Variants in BAZ1A observed in about 807,000 individuals in gnomAD.
BAZ1A encodes bromodomain adjacent to zinc finger domain 1A, also known as bromodomain adjacent to zinc finger domain protein 1A.
BAZ1A carries 50 observed loss-of-function variants against 185.2 expected under a neutral mutation model. The observed-to-expected ratio is 0.27, with a 90% CI of 0.22 to 0.34. The LOEUF (loss-of-function observed/expected upper bound fraction) is 0.34, where lower values mean the gene tolerates loss of function less well. BAZ1A is among the 10% of genes least tolerant of loss of function. BAZ1A has a pLI of 1.00. For missense variants in BAZ1A, 1,356 were observed against 1,839.9 expected (o/e 0.74, Z 4.81); for synonymous variants, 571 against 615.6 (o/e 0.93, Z 1.07).
intron 3 of BAZ1A, among the ~76,000 whole-genome samples, chr14:34,853,049 CAA>C (rs35471724): frequency 7.4e-5 from 11 of 148,810 alleles, no homozygotes; most frequent in Admixed American, 2.7e-4. Flanking sequence ...TGAACAATTA[CAA>C]AAAAAAAAAT....
intron 11 of BAZ1A, among the ~76,000 whole-genome samples, chr14:34,793,702 T>C (rs1183625521): frequency 1.3e-5 from 2 of 152,208 alleles, no homozygotes; most frequent in African/African-American, 2.4e-5. Flanking sequence ...CCCAGCACTT[T>C]GGGAGGCCGA....
chr14:34,810,178 T>C (rs1012683618), intron 5 of BAZ1A, among the ~76,000 whole-genome samples: 6 of 152,150 alleles, frequency 3.9e-5, no homozygotes, highest in Admixed American at 1.3e-4. Flanking sequence ...TTACACTAAA[T>C]GAAATACAAG....
intron 4 of BAZ1A, among the ~76,000 whole-genome samples, chr14:34,825,770 T>G (rs962265038): frequency 1.3e-5 from 2 of 152,086 alleles, no homozygotes; most frequent in African/African-American, 4.8e-5. Context: ...AAACCCTGTC[T>G]CTACCAAAGA....
In BAZ1A at chr14:34,776,086, G is replaced by T; in HGVS notation, c.2666C>A (p.Pro889Gln). 6.2e-7 allele frequency: 1 copy of T among 1,614,164 alleles called. No homozygotes were observed. The change falls in exon 18 of 27, where the codon CCA (proline) becomes CAA (glutamine). Residue 889 changes from proline to glutamine, a missense_variant. By Grantham distance (76) the Pro-to-Gln change is moderately conservative. This residue lies in a region of BAZ1A where 434 missense variants were observed against 561.7 expected (regional missense o/e 0.77). Transcript: ENST00000360310. ...AGAACTGTAAAAGCACCACCGATTT[G>T]GCTTATGCACTGGTTTTGGCAGCTG... The part of the protein sequence containing the change: ...SVQLPKPVHK[P>Q]NRWCFYSSCE...
At chr14:34,801,504 C>A (rs2138656602) in intron 7 of BAZ1A, among the ~76,000 whole-genome samples, 1 of 152,246 alleles carries the variant, frequency 6.6e-6, no homozygotes, top group Non-Finnish European at 1.5e-5. Context: ...CCATGTTGGC[C>A]AGGCTGGTCT....
At chr14:34,844,674 G>T (rs4981252) in intron 3 of BAZ1A, among the ~76,000 whole-genome samples, 23 of 151,266 alleles carry the variant, frequency 1.5e-4, no homozygotes, top group African/African-American at 2.4e-4. Flanking sequence ...CCCAGCCACT[G>T]GGGAGGATAA....
chr14:34,821,277 G>C (rs2042085194), intron 4 of BAZ1A, among the ~76,000 whole-genome samples: 1 of 152,126 alleles, frequency 6.6e-6, no homozygotes, highest in Non-Finnish European at 1.5e-5. Context: ...GTGATATAAG[G>C]ATATGTCCAT....
chr14:34,783,357 T>A, intron 15 of BAZ1A, 125 bp from the exon 16 acceptor site: 5 of 566,308 alleles, frequency 8.8e-6, no homozygotes, highest in Non-Finnish European at 1.5e-5. Flanking sequence ...AATGTAGTAA[T>A]CATTCATAAG....
At chr14:34,763,088 A>G (rs1237050067) in intron 23 of BAZ1A, among the ~76,000 whole-genome samples, 2 of 152,312 alleles carry the variant, frequency 1.3e-5, no homozygotes, top group East Asian at 1.9e-4. Flanking sequence ...CTATAAAACT[A>G]TATTTAATCT....
chr14:34,761,726 T>C lies in BAZ1A; in HGVS notation c.4243+31A>G, dbSNP rs1369642041. On this transcript the variant is annotated intron_variant, in intron 24 of 26. Coordinates refer to ENST00000360310, the MANE Select transcript of BAZ1A (RefSeq NM_013448.3). ...ATATTTCCAAATTATTCAATTTTCCTAGGGAAGGAAGAGTTTAGATTTCTT... is the reference window on the plus strand; with the variant it reads ...ATATTTCCAAATTATTCAATTTTCCCAGGGAAGGAAGAGTTTAGATTTCTT... 2.0e-6 allele frequency: 3 copies of C among 1,531,276 alleles called. No individual in the cohort carries two copies. The African/African-American group carries it at 4.2e-5, about 21-fold the overall frequency. The allele number at this position is 1,531,276 out of a possible 1,614,324, so 94.9% of individuals were successfully genotyped here.
At chr14:34,754,801 A>G (rs774216688) in intron 26 of BAZ1A, 26 bp downstream of exon 26, 22 of 1,478,518 alleles carry the variant, frequency 1.5e-5, no homozygotes. Context: ...AAAAATAAAT[A>G]TCAAAGAAAA....
chr14:34,760,734 C>T (rs972944455), intron 24 of BAZ1A, among the ~76,000 whole-genome samples: 15 of 151,828 alleles, frequency 9.9e-5, no homozygotes, highest in African/African-American at 2.9e-4. Flanking sequence ...TTCCTGTAGT[C>T]GCAGCTGCTT....
Position 34,800,353 on chromosome 14 carries a change from A to T in BAZ1A, c.999T>A (p.Asp333Glu). 6.5e-7 allele frequency: 1 copy of T among 1,539,736 alleles called. No homozygotes were observed. The highest frequency in any genetic ancestry group is 1.4e-5 in the African/African-American group (1 of 69,810). The change falls in exon 9 of 27, where the codon GAT becomes GAA. Residue 333 changes from aspartate to glutamate, a missense_variant. Asp to Glu is a conservative substitution (Grantham distance 45, BLOSUM62 2). Around this residue, in one of 7 missense-constraint regions of BAZ1A, gnomAD observed 332 missense variants for 395.3 expected, o/e 0.84. Transcript: ENST00000360310. ...EKAKLKREKA[D>E]ALEAKKKEKE... The stretch of plus-strand genomic sequence containing the variant: ...TTTCTTTTTTCTTCGCTTCTAGGGC[A>T]TCTGCTTTTTCTCTTTTTAATTTAG...
At chr14:34,809,968 T>C (rs550156365) in intron 5 of BAZ1A, among the ~76,000 whole-genome samples, 13 of 152,116 alleles carry the variant, frequency 8.5e-5, no homozygotes, top group Non-Finnish European at 1.3e-4. Flanking sequence ...TAAAGTAAAA[T>C]GTAGAATGCT....
chr14:34,869,048 T>G (rs1378516340), intron 2 of BAZ1A, among the ~76,000 whole-genome samples: 1 of 150,042 alleles, frequency 6.7e-6, no homozygotes, highest in Admixed American at 6.7e-5. Flanking sequence ...CTACTAAAAA[T>G]ACAAAAAAAT....
intron 21 of BAZ1A, among the ~76,000 whole-genome samples, chr14:34,766,671 T>TAAAACCCAAA (rs1472994070): frequency 6.6e-6 from 1 of 152,166 alleles, no homozygotes; most frequent in African/African-American, 2.4e-5. Context: ...TGAACAGGTT[T>TAAAACCCAAA]AAAACCCAAA....
At chr14:34,795,643 G>A (rs1269580260) in intron 10 of BAZ1A, 27 bp downstream of exon 10, 23 of 1,502,092 alleles carry the variant, frequency 1.5e-5, no homozygotes, top group Non-Finnish European at 2.0e-5. Flanking sequence ...ACCTATGTGT[G>A]CTAAACATCA....
Position 34,874,487 on chromosome 14 carries a change from C to G in BAZ1A, c.113+5G>C, listed in dbSNP as rs2043008733. ...CCGCGGCCCCGCACACGGCCCGGCT[C>G]TTACTCGTAGTGGCGGAAGATCTCG... On this transcript the variant is annotated splice_donor_5th_base_variant and intron_variant, in intron 2 of 26. Coordinates refer to ENST00000360310, the MANE Select transcript of BAZ1A (RefSeq NM_013448.3). The surrounding 1 kb of genome is among the most constrained non-coding windows in gnomAD (Gnocchi z 4.7). 2 of 1,612,102 alleles carry G rather than the reference C, an allele frequency of 1.2e-6. No individual in the cohort carries two copies. The highest frequency in any genetic ancestry group is 1.3e-5 in the African/African-American group (1 of 74,804).
chr14:34,787,860 A>G (rs1299919822), intron 12 of BAZ1A, among the ~76,000 whole-genome samples: 1 of 152,226 alleles, frequency 6.6e-6, no homozygotes, highest in African/African-American at 2.4e-5. Flanking sequence ...TATAATACAT[A>G]GATTGATCAA....
Sources: gnomAD v4.1 joint callset for allele counts (sites outside exome capture counted in the v4.1 genomes callset) on GRCh38, gnomAD v4.1.1 for gene constraint, gnomAD v4.1.1 regional missense constraint, Gnocchi (gnomAD v3.1) non-coding constraint, MANE v1.5 for transcripts, NCBI Gene and HGNC (gene_info 2026-07-23, HGNC 2026-07-21) for gene names.